Variants in SLC38A11 observed in about 807,000 individuals in gnomAD.
SLC38A11 encodes solute carrier family 38 member 11.
In SLC38A11, 51 loss-of-function variants were observed where a neutral mutation model predicts 49.4. The ratio of observed to expected loss-of-function variants is 1.03; its 90% CI spans 0.83 to 1.30. The LOEUF is 1.30. Ranked by LOEUF, SLC38A11 falls within the 50% of genes most tolerant of loss-of-function variation. SLC38A11 has a pLI of 0.00. For synonymous variants in SLC38A11, 203 were observed against 192.9 expected (o/e 1.05, Z -0.43); for missense variants, 574 against 556.2 (o/e 1.03, Z -0.32).
chr2:164,896,835 G>A lies in SLC38A11; in HGVS notation c.*1602C>T, dbSNP rs1684385316. 1 of 152,052 alleles carries A rather than the reference G, an allele frequency of 6.6e-6. No homozygotes were observed. Among genetic ancestry groups the A allele is most frequent in the African/African-American group, 2.4e-5 (1 of 41,400 alleles). The allele number at this position is 152,052 out of a possible 1,614,324, so 9.4% of individuals were successfully genotyped here. A position where few individuals can be genotyped will look rare whatever the true frequency, so the allele number is the denominator to read the frequency against. On this transcript the variant is annotated 3_prime_UTR_variant, in exon 12 of 12. Coordinates refer to ENST00000685975, the MANE Select transcript of SLC38A11 (RefSeq NM_001351537.2). Reference sequence around the variant, plus strand: ...GGCCTTTCTCACTATGAGTCACACAGTGACTCAGCTCTTGCCACTTTATTC... The same window carrying A: ...GGCCTTTCTCACTATGAGTCACACAATGACTCAGCTCTTGCCACTTTATTC...
chr2:164,942,902 C>T (rs911979001), intron 5 of SLC38A11, among the ~76,000 whole-genome samples: 3 of 152,152 alleles, frequency 2.0e-5, no homozygotes, highest in Non-Finnish European at 4.4e-5. Context: ...AACTGGAACT[C>T]GGAGAGGACA....
At chr2:164,929,724 C>G (rs973326303) in intron 7 of SLC38A11, among the ~76,000 whole-genome samples, 1 of 152,114 alleles carries the variant, frequency 6.6e-6, no homozygotes, top group Non-Finnish European at 1.5e-5. Context: ...TTGCTTCAAC[C>G]AGTTAAGGTT....
chr2:164,914,542 T>G (rs1685630689), intron 9 of SLC38A11, among the ~76,000 whole-genome samples: 1 of 151,498 alleles, frequency 6.6e-6, no homozygotes. Flanking sequence ...ATTAAAACAA[T>G]GAAAGTACCG....
At chr2:164,929,187 C>A (rs1686809869) in intron 7 of SLC38A11, among the ~76,000 whole-genome samples, 1 of 152,120 alleles carries the variant, frequency 6.6e-6, no homozygotes, top group African/African-American at 2.4e-5. Context: ...TCTAACCTGG[C>A]TTCCACCCAT....
intron 11 of SLC38A11, among the ~76,000 whole-genome samples, chr2:164,901,382 G>A (rs2105442380): frequency 6.6e-6 from 1 of 151,990 alleles, no homozygotes; most frequent in Non-Finnish European, 1.5e-5. Flanking sequence ...TCCATCCACA[G>A]GATATCTTTC....
chr2:164,921,713 A>C (rs1573931407), intron 7 of SLC38A11, among the ~76,000 whole-genome samples: 1 of 152,198 alleles, frequency 6.6e-6, no homozygotes, highest in East Asian at 1.9e-4. Context: ...TATTCCTTAC[A>C]ATACCTTAGG....
At chr2:164,906,226 C>G (rs969764321) in intron 11 of SLC38A11, among the ~76,000 whole-genome samples, 1 of 152,114 alleles carries the variant, frequency 6.6e-6, no homozygotes, top group African/African-American at 2.4e-5. Context: ...CAAGATATTT[C>G]ATAAAACAGG....
chr2:164,950,617 T>G (rs1282032222), intron 3 of SLC38A11, among the ~76,000 whole-genome samples: 1 of 152,212 alleles, frequency 6.6e-6, no homozygotes, highest in Non-Finnish European at 1.5e-5. Flanking sequence ...AATTTTCTTT[T>G]AAATAATTTT....
rs1472407370 is a variant in SLC38A11 at position 164,940,226 on chromosome 2, TTTTATATATA to T, written c.431-680_431-671del. Among the ~76,000 whole-genome samples the T allele has an allele frequency of 6.9e-4, 25 of 36,392 alleles. No individual in the cohort carries two copies. The South Asian group carries it at 0.016, about 23-fold the overall frequency. 23.9% of individuals were successfully genotyped at this position (36,392 alleles called of 152,430 possible). On this transcript the variant is annotated intron_variant, in intron 5 of 11. Coordinates refer to ENST00000685975, the MANE Select transcript of SLC38A11 (RefSeq NM_001351537.2). Reference sequence around the variant, plus strand: ...TATATGGTCAAATACAAATAGAAAATTTTATATATATATATATATATATATATATATCACA... The same window carrying T: ...TATATGGTCAAATACAAATAGAAAATTATATATATATATATATATATCACA...
chr2:164,936,720 T>C lies in SLC38A11; in HGVS notation c.617+630A>G, dbSNP rs139383968. ...CAGTCTGTATCTGGGGAATCTACTA[T>C]ATAGGCAAAGCATACAAACAGTGTA... is the stretch of plus-strand genomic sequence containing the variant. On this transcript the variant is annotated intron_variant, in intron 7 of 11. Coordinates refer to ENST00000685975, the MANE Select transcript of SLC38A11 (RefSeq NM_001351537.2). Among the ~76,000 whole-genome samples the C allele has an allele frequency of 6.6e-4, 101 of 152,246 alleles. 1 individual carries two copies. The highest frequency in any genetic ancestry group is 1.3e-3 in the Non-Finnish European group (86 of 68,002).
At chr2:164,919,386 C>CA (rs532283420) in intron 7 of SLC38A11, among the ~76,000 whole-genome samples, 264 of 151,150 alleles carry the variant, frequency 1.7e-3, no homozygotes, top group African/African-American at 5.8e-3. Context: ...ATTTAAAACT[C>CA]AAAAAAACCC....
intron 7 of SLC38A11, among the ~76,000 whole-genome samples, chr2:164,936,043 C>A (rs1258305587): frequency 6.6e-6 from 1 of 152,128 alleles, no homozygotes; most frequent in Non-Finnish European, 1.5e-5. Flanking sequence ...GAGAAAATAC[C>A]TTTCTGTCAT....
Position 164,894,592 on chromosome 2 carries a change from C to T in SLC38A11, c.*3845G>A, listed in dbSNP as rs1347160436. ...TTTTCTTCATTCTCACAATGGCAGC[C>T]ATGAAACTCAGGTAACCTTCCCTGA... is the stretch of plus-strand genomic sequence containing the variant. On this transcript the variant is annotated 3_prime_UTR_variant, in exon 12 of 12. Transcript: ENST00000685975. Among the ~76,000 whole-genome samples, 2 of 152,212 alleles carry T rather than the reference C, an allele frequency of 1.3e-5. No individual in the cohort carries two copies. The highest frequency in any genetic ancestry group is 1.9e-4 in the East Asian group (1 of 5,168).
chr2:164,897,986 T>C lies in SLC38A11; in HGVS notation c.*451A>G, dbSNP rs1684413890. The C allele has an allele frequency of 6.5e-6, 1 of 153,524 alleles. No homozygotes were observed. The highest frequency in any genetic ancestry group is 2.4e-5 in the African/African-American group (1 of 41,422). 9.5% of individuals were successfully genotyped at this position (153,524 alleles called of 1,614,324 possible). A position where few individuals can be genotyped will look rare whatever the true frequency, so the allele number is the denominator to read the frequency against. ...AGCTCCTCTTTGTTCTTGGGATATG[T>C]CTTCTTTTCAATCGTTTTGGGTTTC... is the stretch of plus-strand genomic sequence containing the variant. On this transcript the variant is annotated 3_prime_UTR_variant, in exon 12 of 12. Coordinates refer to ENST00000685975, the MANE Select transcript of SLC38A11 (RefSeq NM_001351537.2).
intron 11 of SLC38A11, among the ~76,000 whole-genome samples, chr2:164,900,830 G>A (rs1684605640): frequency 6.6e-6 from 1 of 151,024 alleles, no homozygotes; most frequent in Non-Finnish European, 1.5e-5. Flanking sequence ...TTTATTTTTA[G>A]TTTTATAGTC....
intron 7 of SLC38A11, among the ~76,000 whole-genome samples, chr2:164,931,135 A>C (rs1686969109): frequency 6.6e-6 from 1 of 151,702 alleles, no homozygotes. Flanking sequence ...CCAAATCAGG[A>C]AGGCAATCCA....
chr2:164,936,880 A>G (rs1020496484), intron 7 of SLC38A11, among the ~76,000 whole-genome samples: 1 of 152,198 alleles, frequency 6.6e-6, no homozygotes, highest in Non-Finnish European at 1.5e-5. Flanking sequence ...CACCACTATC[A>G]GTTTTTATCC....
At chr2:164,927,756 C>T (rs62175631) in intron 7 of SLC38A11, among the ~76,000 whole-genome samples, 26,687 of 151,984 alleles carry the variant, frequency 0.18, 2,498 homozygotes, top group Admixed American at 0.29. Flanking sequence ...TATTACCTGC[C>T]TGCACAGGTT....
chr2:164,902,638 A>G (rs1684733585), intron 11 of SLC38A11, among the ~76,000 whole-genome samples: 1 of 152,160 alleles, frequency 6.6e-6, no homozygotes, highest in Admixed American at 6.6e-5. Context: ...TGGATGATGT[A>G]AAATTATAAA....
Sources: gnomAD v4.1 joint callset for allele counts (sites outside exome capture counted in the v4.1 genomes callset) on GRCh38, gnomAD v4.1.1 for gene constraint, MANE v1.5 for transcripts, NCBI Gene and HGNC (gene_info 2026-07-23, HGNC 2026-07-21) for gene names.